The following EMSY variants were observed in gnomAD, a reference collection of about 807,000 sequenced individuals.
EMSY encodes the protein BRCA2-interacting transcriptional repressor EMSY.
Under a neutral mutation model 134.6 loss-of-function variants are expected in EMSY, and 26 were observed. That is an observed-to-expected ratio of 0.19 (90% confidence interval 0.14 to 0.27). EMSY has a LOEUF of 0.27. EMSY is among the 10% of genes least tolerant of loss of function. EMSY has a pLI of 1.00. For synonymous variants in EMSY, 579 were observed against 577.8 expected (o/e 1.00, Z -0.03); for missense variants, 1,305 against 1,611.4 (o/e 0.81, Z 3.26).
intron 8 of EMSY, among the ~76,000 whole-genome samples, chr11:76,481,614 A>G (rs1307145089): frequency 6.6e-6 from 1 of 152,234 alleles, no homozygotes; most frequent in Non-Finnish European, 1.5e-5. Flanking sequence ...CCCTCAGAGT[A>G]TAAAGAAAGC....
At chr11:76,497,500 G>A (rs1338281550) in intron 9 of EMSY, among the ~76,000 whole-genome samples, 1 of 152,108 alleles carries the variant, frequency 6.6e-6, no homozygotes, top group Non-Finnish European at 1.5e-5. Context: ...GTTTTTAGAA[G>A]CTTTTAATTG....
At chr11:76,516,650 G>A (rs1950460742) in intron 11 of EMSY, 1 of 164,092 alleles carries the variant, frequency 6.1e-6, no homozygotes, top group Non-Finnish European at 1.3e-5. Context: ...TGAGGTGGTT[G>A]CTATTGTGCT....
chr11:76,551,855 G>A (rs953172746), downstream of EMSY: 6 of 152,052 alleles, frequency 3.9e-5, no homozygotes, highest in African/African-American at 1.4e-4. Context: ...TGTATTCCAG[G>A]TTAAGCCCTC....
chr11:76,529,855 AT>A (rs1439863415), intron 14 of EMSY, among the ~76,000 whole-genome samples: 1 of 152,160 alleles, frequency 6.6e-6, no homozygotes, highest in Non-Finnish European at 1.5e-5. Flanking sequence ...TTCTGTATTG[AT>A]TATGAGTCAA....
At chr11:76,480,664 C>T (rs1277143807) in intron 8 of EMSY, among the ~76,000 whole-genome samples, 2 of 152,170 alleles carry the variant, frequency 1.3e-5, no homozygotes, top group Non-Finnish European at 2.9e-5. Context: ...CTGCAGCTCC[C>T]AGCGAGATCA....
intron 3 of EMSY, 53 bp downstream of exon 3, chr11:76,452,010 T>G: frequency 8.7e-7 from 1 of 1,153,336 alleles, no homozygotes; most frequent in South Asian, 1.6e-5. Context: ...TTGGGGGATT[T>G]TATTACTTAT....
At chr11:76,494,483 T>C (rs1323280389) in intron 8 of EMSY, among the ~76,000 whole-genome samples, 1 of 152,170 alleles carries the variant, frequency 6.6e-6, no homozygotes, top group African/African-American at 2.4e-5. Context: ...ATGTTGGCAC[T>C]GAAAGAGGCT....
At chr11:76,463,342 A>ATTCAGAGACCACTTCTCTGAG in intron 6 of EMSY, among the ~76,000 whole-genome samples, 1 of 147,664 alleles carries the variant, frequency 6.8e-6, no homozygotes. Context: ...GAGGGAAGGC[A>ATTCAGAGACCACTTCTCTGAG]GCCGGGCGCG....
At chr11:76,481,408 C>T (rs1187810143) in intron 8 of EMSY, among the ~76,000 whole-genome samples, 1 of 152,152 alleles carries the variant, frequency 6.6e-6, no homozygotes, top group Non-Finnish European at 1.5e-5. Context: ...CATTCACTCC[C>T]CTGGAAAGGG....
intron 5 of EMSY, chr11:76,458,673 G>A (rs1461031090): frequency 5.4e-6 from 1 of 186,014 alleles, no homozygotes; most frequent in Non-Finnish European, 1.1e-5. Flanking sequence ...AAATAAATAA[G>A]GTAACAGAAG....
intron 4 of EMSY, among the ~76,000 whole-genome samples, chr11:76,456,845 T>A (rs1947892677): frequency 6.6e-6 from 1 of 152,194 alleles, no homozygotes; most frequent in Non-Finnish European, 1.5e-5. Flanking sequence ...CAGTGAAAGT[T>A]GGTAGTAATT....
At position 76,546,172 on chromosome 11, in the gene EMSY, GT is replaced by G; in HGVS notation, c.3651del (p.Gly1218AlafsTer4). On this transcript the variant is annotated frameshift_variant, in exon 20 of 21. Coordinates refer to ENST00000334736, the Ensembl canonical transcript of EMSY. LOFTEE classifies it high-confidence loss of function. ...AGAGTCCTGTTCGAGTCCATCCACTGTTGGCTCTTCCCTAACGACAAGGAAA... is the reference window on the plus strand; with the variant it reads ...AGAGTCCTGTTCGAGTCCATCCACTGTGGCTCTTCCCTAACGACAAGGAAA... 6.2e-7 allele frequency: 1 copy of G among 1,614,184 alleles called. No homozygotes were observed. Among genetic ancestry groups the G allele is most frequent in the Non-Finnish European group, 8.5e-7 (1 of 1,180,020 alleles).
At chr11:76,525,533 T>C (rs1276144345) in intron 12 of EMSY, among the ~76,000 whole-genome samples, 1 of 152,202 alleles carries the variant, frequency 6.6e-6, no homozygotes, top group Non-Finnish European at 1.5e-5. Flanking sequence ...ATCTTAAGTT[T>C]ATGGATTTTA....
At chr11:76,463,900 A>T (rs1162151657) in exon 7 of EMSY, 1 of 1,614,112 alleles carries the variant, frequency 6.2e-7, no homozygotes, top group Non-Finnish European at 8.5e-7. Context: ...CTGTTGTTCT[A>T]AAGGAAGTTC....
chr11:76,518,703 A>ATATATATATATATATATATATT (rs57143914), intron 11 of EMSY, among the ~76,000 whole-genome samples: 1 of 130,204 alleles, frequency 7.7e-6, no homozygotes, highest in Non-Finnish European at 1.6e-5. Context: ...ATATATATAT[A>ATATATATATATATATATATATT]TTTTTTTTTT....
chr11:76,467,768 G>A (rs981126907), intron 7 of EMSY, among the ~76,000 whole-genome samples: 4 of 152,026 alleles, frequency 2.6e-5, no homozygotes, highest in African/African-American at 9.7e-5. Flanking sequence ...GAGGCAGGCG[G>A]ATCACCTGAG....
intron 9 of EMSY, chr11:76,496,755 C>T (rs1433141635): frequency 2.4e-6 from 1 of 413,328 alleles, no homozygotes; most frequent in Non-Finnish European, 4.5e-6. Flanking sequence ...ATCCTTTGAC[C>T]TTGCTGAACT....
chr11:76,501,120 T>C (rs57790584), intron 9 of EMSY, among the ~76,000 whole-genome samples: 20,410 of 152,280 alleles, frequency 0.13, 1,768 homozygotes, highest in East Asian at 0.28. Flanking sequence ...ATTGTTTCTG[T>C]ACTTGTATTA....
intron 11 of EMSY, among the ~76,000 whole-genome samples, chr11:76,518,401 G>C (rs1417424527): frequency 2.0e-5 from 3 of 151,240 alleles, no homozygotes; most frequent in African/African-American, 7.3e-5. Context: ...CTCCTGAGTT[G>C]AAGCGATCTG....
Sources: gnomAD v4.1 joint callset for allele counts (sites outside exome capture counted in the v4.1 genomes callset) on GRCh38, gnomAD v4.1.1 for gene constraint, MANE v1.5 for transcripts, NCBI Gene and HGNC (gene_info 2026-07-23, HGNC 2026-07-21) for gene names.